The following GABRG3 variants were observed in gnomAD, a reference collection of about 807,000 sequenced individuals.
GABRG3 encodes gamma-aminobutyric acid type A receptor subunit gamma3.
In GABRG3, 25 loss-of-function variants were observed where a neutral mutation model predicts 48.8. The observed-to-expected ratio is 0.51, with a 90% CI of 0.37 to 0.72. The LOEUF is 0.72. GABRG3 is among the 30% of genes least tolerant of loss of function. The probability of loss-of-function intolerance (pLI) is 0.00; values close to 1 mark genes in which losing one functional copy is unlikely to be tolerated. For missense variants in GABRG3, 394 were observed against 577.9 expected (o/e 0.68, Z 3.26); for synonymous variants, 227 against 217.6 (o/e 1.04, Z -0.38).
chr15:27,313,311 C>G (rs1158484516), intron 3 of GABRG3, among the ~76,000 whole-genome samples: 1 of 55,544 alleles, frequency 1.8e-5, no homozygotes, highest in Non-Finnish European at 3.5e-5. Flanking sequence ...TATATATATA[C>G]CCAACATCAG....
At chr15:26,979,809 AT>A (rs1439442632) in intron 2 of GABRG3, among the ~76,000 whole-genome samples, 12 of 152,118 alleles carry the variant, frequency 7.9e-5, no homozygotes, top group Admixed American at 7.2e-4. Context: ...TTGCATGTCT[AT>A]GTTTAAGGGA....
At chr15:27,029,141 A>G (rs945730005) in intron 3 of GABRG3, among the ~76,000 whole-genome samples, 10 of 152,254 alleles carry the variant, frequency 6.6e-5, no homozygotes, top group Non-Finnish European at 8.8e-5. Flanking sequence ...TTGAAACTTC[A>G]CTTAGTCCAG....
intron 3 of GABRG3, among the ~76,000 whole-genome samples, chr15:27,288,178 C>A (rs995433639): frequency 2.0e-5 from 3 of 152,080 alleles, no homozygotes; most frequent in Admixed American, 1.3e-4. Flanking sequence ...TATGTTACAT[C>A]AGTGGTCTTC....
intron 3 of GABRG3, among the ~76,000 whole-genome samples, chr15:27,120,048 C>T (rs922724307): frequency 2.6e-5 from 4 of 152,216 alleles, no homozygotes; most frequent in African/African-American, 9.6e-5. Flanking sequence ...AGGTGGGGAT[C>T]ATGGAAGATT....
intron 2 of GABRG3, among the ~76,000 whole-genome samples, chr15:26,977,532 A>G (rs539251791): frequency 3.2e-4 from 48 of 152,156 alleles, no homozygotes; most frequent in African/African-American, 1.1e-3. Context: ...TTTTATTTTT[A>G]TTTATTTTTT....
At chr15:27,372,933 T>A (rs566978478) in intron 5 of GABRG3, among the ~76,000 whole-genome samples, 20 of 152,332 alleles carry the variant, frequency 1.3e-4, no homozygotes, top group African/African-American at 4.3e-4. Context: ...TCAGCTACAT[T>A]GCTTGGCAAT....
At chr15:27,205,288 GT>G (rs147350381) in intron 3 of GABRG3, among the ~76,000 whole-genome samples, 1 of 151,830 alleles carries the variant, frequency 6.6e-6, no homozygotes, top group East Asian at 1.9e-4. Flanking sequence ...TTTACAGAAA[GT>G]TTTTTTGTCT....
intron 3 of GABRG3, among the ~76,000 whole-genome samples, chr15:27,239,163 T>C (rs1333010253): frequency 6.6e-6 from 1 of 152,214 alleles, no homozygotes; most frequent in East Asian, 1.9e-4. Context: ...GATACGAAGA[T>C]GAAGGAAAGG....
chr15:27,159,211 G>C (rs1898511731), intron 3 of GABRG3, among the ~76,000 whole-genome samples: 1 of 152,114 alleles, frequency 6.6e-6, no homozygotes, highest in African/African-American at 2.4e-5. Flanking sequence ...GCCGGGCATG[G>C]TGGTTCACGC....
intron 3 of GABRG3, among the ~76,000 whole-genome samples, chr15:27,138,814 T>G: frequency 6.6e-6 from 1 of 152,232 alleles, no homozygotes; most frequent in East Asian, 1.9e-4. Context: ...CATTGTCCTG[T>G]TTTTCTTCTC....
chr15:27,357,669 G>A (rs1048032941), intron 5 of GABRG3, among the ~76,000 whole-genome samples: 1 of 152,166 alleles, frequency 6.6e-6, no homozygotes, highest in African/African-American at 2.4e-5. Flanking sequence ...AAAGACAGAT[G>A]ATTTTCATAT....
At chr15:27,432,946 C>T (rs189610143) in intron 5 of GABRG3, among the ~76,000 whole-genome samples, 2 of 152,270 alleles carry the variant, frequency 1.3e-5, no homozygotes, top group Admixed American at 6.5e-5. Context: ...AAGTCTTTTC[C>T]CCCAGTTTCC....
At chr15:27,274,605 A>G (rs1467941946) in intron 3 of GABRG3, among the ~76,000 whole-genome samples, 1 of 152,118 alleles carries the variant, frequency 6.6e-6, no homozygotes, top group African/African-American at 2.4e-5. Flanking sequence ...CCATACCACC[A>G]CACTGGGGAT....
intron 3 of GABRG3, among the ~76,000 whole-genome samples, chr15:27,193,769 C>T (rs866985689): frequency 1.5e-4 from 23 of 152,154 alleles, no homozygotes; most frequent in East Asian, 9.7e-4. Flanking sequence ...GAGATGAACC[C>T]GGTACCTCAG....
chr15:27,124,725 G>A (rs977549005), intron 3 of GABRG3, among the ~76,000 whole-genome samples: 2 of 152,216 alleles, frequency 1.3e-5, no homozygotes, highest in African/African-American at 2.4e-5. Flanking sequence ...GGCAACAGCT[G>A]TGGGTGCTTG....
chr15:27,151,764 C>T (rs1326492915), intron 3 of GABRG3, among the ~76,000 whole-genome samples: 2 of 152,102 alleles, frequency 1.3e-5, no homozygotes, highest in South Asian at 2.1e-4. Context: ...CTGCAGGAGG[C>T]CTCTGAAACC....
chr15:27,303,603 G>A (rs184071197), intron 3 of GABRG3, among the ~76,000 whole-genome samples: 64 of 151,568 alleles, frequency 4.2e-4, no homozygotes, highest in African/African-American at 1.2e-3. Flanking sequence ...AAAAGGAAAC[G>A]TATCCCAACT....
chr15:27,145,370 T>G (rs1334503183), intron 3 of GABRG3, among the ~76,000 whole-genome samples: 2 of 151,766 alleles, frequency 1.3e-5, no homozygotes, highest in African/African-American at 4.8e-5. Context: ...TGAATCAAAA[T>G]AAAATTCTAG....
rs375849491 is a variant in GABRG3, at chr15:27,183,122, AT to A, written c.271-143678del. The stretch of plus-strand genomic sequence containing the variant: ...ATTTTACAGATGACTTTTTTTTTCA[AT>A]TTTTTTTTCCCTATGAACAGGCAGC... On this transcript the variant is annotated intron_variant, in intron 3 of 9. Transcript: ENST00000615808. Among the ~76,000 whole-genome samples, 563 of 150,506 alleles carry A rather than the reference AT, an allele frequency of 3.7e-3. 6 individuals are homozygous for A. Among genetic ancestry groups the A allele is most frequent in the East Asian group, 0.029 (147 of 5,130 alleles).
Sources: gnomAD v4.1 joint callset for allele counts (sites outside exome capture counted in the v4.1 genomes callset) on GRCh38, gnomAD v4.1.1 for gene constraint, MANE v1.5 for transcripts, NCBI Gene and HGNC (gene_info 2026-07-23, HGNC 2026-07-21) for gene names.